SLC9C1: variants seen among roughly 807,000 people sequenced by gnomAD.
The protein encoded by SLC9C1 is solute carrier family 9 member C1, also known as sodium/hydrogen exchanger 10.
SLC9C1 carries 97 observed loss-of-function variants against 140.9 expected under a neutral mutation model. The ratio of observed to expected loss-of-function variants is 0.69; its 90% confidence interval spans 0.58 to 0.82. SLC9C1 has a LOEUF of 0.82. Ranked by LOEUF, SLC9C1 falls within the 40% of genes least tolerant of loss-of-function variation. The probability of loss-of-function intolerance (pLI) is 0.00; values close to 1 mark genes in which losing one functional copy is unlikely to be tolerated. For synonymous variants in SLC9C1, 440 were observed against 442.6 expected (o/e 0.99, Z 0.07); for missense variants, 1,340 against 1,389.3 (o/e 0.96, Z 0.56).
At chr3:112,288,060 A>AGG (rs2080569146) in intron 1 of SLC9C1, among the ~76,000 whole-genome samples, 1 of 151,142 alleles carries the variant, frequency 6.6e-6, no homozygotes, top group African/African-American at 2.4e-5. Flanking sequence ...AAAAAAAAAA[A>AGG]AAAAGGAAAA....
chr3:112,157,253 T>C (rs534027767), intron 26 of SLC9C1, among the ~76,000 whole-genome samples: 8 of 152,112 alleles, frequency 5.3e-5, no homozygotes, highest in African/African-American at 1.9e-4. Flanking sequence ...CCAGTTTTTC[T>C]AGCACCAATT....
At chr3:112,236,541 G>A (rs2078991787) in intron 12 of SLC9C1, among the ~76,000 whole-genome samples, 1 of 152,022 alleles carries the variant, frequency 6.6e-6, no homozygotes, top group South Asian at 2.1e-4. Context: ...TGCTTCTCTA[G>A]TTCTTTTCAT....
intron 13 of SLC9C1, among the ~76,000 whole-genome samples, chr3:112,229,982 T>C (rs982231855): frequency 6.6e-6 from 1 of 152,160 alleles, no homozygotes; most frequent in Non-Finnish European, 1.5e-5. Context: ...TACTTTTGGT[T>C]AGTCTACCTC....
chr3:112,223,082 TAAAG>T (rs2078585479), intron 13 of SLC9C1, among the ~76,000 whole-genome samples: 1 of 152,142 alleles, frequency 6.6e-6, no homozygotes, highest in Admixed American at 6.6e-5. Context: ...ATCAATATAT[TAAAG>T]AATGAAATAT....
chr3:112,241,558 A>C (rs571992770), intron 11 of SLC9C1, among the ~76,000 whole-genome samples: 62 of 152,338 alleles, frequency 4.1e-4, no homozygotes, highest in Admixed American at 1.1e-3. Context: ...ATTTCTATTG[A>C]ACTACTAATG....
At chr3:112,179,749 T>G (rs370365128) in intron 22 of SLC9C1, 48 bp from the exon 23 acceptor site, 2 of 1,484,334 alleles carry the variant, frequency 1.3e-6, no homozygotes, top group Admixed American at 2.5e-5. Flanking sequence ...AGTTAACTTG[T>G]ATTACCAAAA....
At chr3:112,146,475 G>A (rs1232245067) in intron 28 of SLC9C1, among the ~76,000 whole-genome samples, 2 of 152,012 alleles carry the variant, frequency 1.3e-5, no homozygotes, top group Non-Finnish European at 2.9e-5. Context: ...GCTTAACACT[G>A]GTTTTGCTGT....
chr3:112,272,034 C>A (rs868474432), intron 6 of SLC9C1, among the ~76,000 whole-genome samples: 39 of 152,116 alleles, frequency 2.6e-4, no homozygotes, highest in African/African-American at 8.9e-4. Flanking sequence ...TGTCATGATG[C>A]CCTTCCCAGG....
chr3:112,256,271 C>CA (rs1435896295), intron 10 of SLC9C1, among the ~76,000 whole-genome samples: 2 of 151,828 alleles, frequency 1.3e-5, no homozygotes, highest in Non-Finnish European at 2.9e-5. Context: ...AGAGAAACAA[C>CA]AAAAAAGAAA....
intron 10 of SLC9C1, among the ~76,000 whole-genome samples, chr3:112,253,792 C>A (rs2079530961): frequency 6.6e-6 from 1 of 152,116 alleles, no homozygotes; most frequent in Non-Finnish European, 1.5e-5. Flanking sequence ...GCTGAGACAA[C>A]AGAAATAGAA....
intron 5 of SLC9C1, among the ~76,000 whole-genome samples, chr3:112,275,829 T>C (rs1438632139): frequency 1.3e-5 from 2 of 152,180 alleles, no homozygotes; most frequent in African/African-American, 4.8e-5. Flanking sequence ...CATCTGCCTG[T>C]ATCTATGCCC....
chr3:112,249,285 C>T (rs1175115749), intron 10 of SLC9C1, among the ~76,000 whole-genome samples: 2 of 151,082 alleles, frequency 1.3e-5, no homozygotes, highest in African/African-American at 4.9e-5. Context: ...TACCTGGCAT[C>T]CAAAGGATAA....
intron 8 of SLC9C1, 36 bp from the exon 9 acceptor site, chr3:112,264,379 T>G (rs745507989): frequency 8.3e-7 from 1 of 1,205,362 alleles, no homozygotes; most frequent in Non-Finnish European, 1.1e-6. Context: ...ATATTTATAA[T>G]TAATTAATTT....
intron 10 of SLC9C1, among the ~76,000 whole-genome samples, chr3:112,256,621 G>T (rs1216947376): frequency 1.3e-5 from 2 of 152,082 alleles, no homozygotes; most frequent in South Asian, 4.1e-4. Flanking sequence ...TACTGAGTAG[G>T]CAAAGGCTAG....
At chr3:112,266,788 T>C (rs1310576326) in intron 7 of SLC9C1, among the ~76,000 whole-genome samples, 2 of 152,240 alleles carry the variant, frequency 1.3e-5, no homozygotes, top group East Asian at 3.8e-4. Flanking sequence ...ATATATTAAA[T>C]TGTCATTCAT....
chr3:112,163,938 T>G (rs1024837990), intron 26 of SLC9C1, among the ~76,000 whole-genome samples: 2 of 152,164 alleles, frequency 1.3e-5, no homozygotes, highest in African/African-American at 4.8e-5. Context: ...AGGACTTGCT[T>G]TATGAATCTG....
At position 112,262,964 on chromosome 3, in the gene SLC9C1, T is replaced by C; in HGVS notation, c.1157A>G (p.Tyr386Cys). Residue 386 changes from tyrosine to cysteine, a missense_variant, in exon 10 of 29, where the codon TAC becomes TGC. By Grantham distance (194) the Tyr-to-Cys change is radical. Coordinates refer to ENST00000305815, the MANE Select transcript of SLC9C1 (RefSeq NM_183061.3). The stretch of plus-strand genomic sequence containing the variant: ...GTCAGATCCAAAATAAAGATCAGAG[T>C]AGGCAAGCAGAAGGGCCATGTTTAT... ...PNINMALLLA[Y>C]SDLYFGSDKE... 6.3e-7 allele frequency: 1 copy of C among 1,596,912 alleles called. No homozygotes were observed.
In SLC9C1 at chr3:112,202,417, T is replaced by G. The variant is rs376935635; in HGVS notation, c.2173-18A>C. 36 of 1,565,408 alleles carry G rather than the reference T, an allele frequency of 2.3e-5. No homozygotes were observed. The East Asian group carries it at 2.5e-4, about 11-fold the overall frequency. On this transcript the variant is annotated intron_variant, in intron 17 of 28. Transcript: ENST00000305815. ...GCTATGAGCTGAATTAAACAGGACT[T>G]CCATTAATATAAATTGCACAAATAT...
chr3:112,283,677 TACA>T (rs1576524857), intron 2 of SLC9C1, among the ~76,000 whole-genome samples: 2 of 152,202 alleles, frequency 1.3e-5, no homozygotes, highest in East Asian at 1.9e-4. Flanking sequence ...TTTTTTTAGA[TACA>T]GGCAGTCCTT....
Sources: allele counts gnomAD v4.1 joint callset (sites outside exome capture counted in the v4.1 genomes callset), GRCh38; gene constraint gnomAD v4.1.1; transcripts MANE v1.5; gene names NCBI Gene and HGNC (gene_info 2026-07-23, HGNC 2026-07-21).